Variants in GUCY1A2 observed in about 807,000 individuals in gnomAD.
GUCY1A2 encodes guanylate cyclase soluble subunit alpha-2.
A neutral mutation model predicts 63.5 loss-of-function variants in GUCY1A2; 27 were observed. The ratio of observed to expected loss-of-function variants is 0.43; its 90% confidence interval spans 0.31 to 0.59. The LOEUF is 0.59. Ranked by LOEUF, GUCY1A2 falls within the 20% of genes least tolerant of loss-of-function variation. The pLI, the probability that GUCY1A2 is intolerant of heterozygous loss-of-function variation, is 0.11. For synonymous variants in GUCY1A2, 364 were observed against 343.5 expected, an observed-to-expected ratio of 1.06 and a Z score of -0.66; for missense variants, 768 against 913.3, an observed-to-expected ratio of 0.84 and a Z score of 2.05.
intron 3 of GUCY1A2, among the ~76,000 whole-genome samples, chr11:106,955,361 A>G (rs112974658): frequency 1.1e-4 from 16 of 152,098 alleles, no homozygotes; most frequent in African/African-American, 3.6e-4. Flanking sequence ...CTATTTGGTT[A>G]TTTTGCATAA....
intron 4 of GUCY1A2, among the ~76,000 whole-genome samples, chr11:106,916,385 G>A (rs2119884833): frequency 6.9e-6 from 1 of 145,394 alleles, no homozygotes; most frequent in East Asian, 2.1e-4. Flanking sequence ...AATCCACATT[G>A]ATAAAATCAT....
At chr11:106,882,210 C>T (rs541509611) in intron 4 of GUCY1A2, among the ~76,000 whole-genome samples, 150 of 152,062 alleles carry the variant, frequency 9.9e-4, no homozygotes, top group Non-Finnish European at 1.8e-3. Flanking sequence ...TTTATAGATG[C>T]ATCACCATTA....
intron 6 of GUCY1A2, among the ~76,000 whole-genome samples, chr11:106,715,642 T>C (rs1863200745): frequency 6.6e-6 from 1 of 152,166 alleles, no homozygotes; most frequent in African/African-American, 2.4e-5. Flanking sequence ...TTCCATCCCT[T>C]CTCCATCTTA....
intron 4 of GUCY1A2, among the ~76,000 whole-genome samples, chr11:106,865,682 G>A (rs61521523): frequency 0.2 from 31,101 of 151,752 alleles, 3,189 homozygotes; most frequent in Non-Finnish European, 0.22. Context: ...GATACCATTA[G>A]GAGAAACACC....
chr11:106,757,533 G>T (rs1863995475), intron 6 of GUCY1A2, among the ~76,000 whole-genome samples: 1 of 152,064 alleles, frequency 6.6e-6, no homozygotes, highest in East Asian at 1.9e-4. Flanking sequence ...ATGGGGTTTT[G>T]GTGTGGGTGT....
In GUCY1A2 at chr11:106,685,585, G is replaced by A. The variant is rs1051470061; in HGVS notation, c.*1964C>T. ...AAGACAATAGGCATAAATGACATCA[G>A]TGAGCTTGTTCCCTCCCCATGCTCC... On this transcript the variant is annotated 3_prime_UTR_variant, in exon 8 of 8. Transcript: ENST00000526355. 2 of 227,972 alleles carry A rather than the reference G, an allele frequency of 8.8e-6. No homozygotes were observed. The highest frequency in any genetic ancestry group is 4.4e-5 in the African/African-American group (2 of 45,010). 14.1% of individuals were successfully genotyped at this position (227,972 alleles called of 1,614,324 possible).
chr11:106,816,537 C>T (rs755122319), intron 4 of GUCY1A2, among the ~76,000 whole-genome samples: 14 of 150,674 alleles, frequency 9.3e-5, no homozygotes, highest in Non-Finnish European at 1.8e-4. Flanking sequence ...AAGTGTCTAC[C>T]TCAGAAAAGA....
chr11:106,764,801 C>A (rs1487897), intron 6 of GUCY1A2, among the ~76,000 whole-genome samples: 144,893 of 152,110 alleles, frequency 0.95, 69,063 homozygotes, highest in East Asian at 0.99. Flanking sequence ...GTTTCCTATA[C>A]TGAAAAAAAG....
chr11:106,918,448 T>C (rs1860397605), intron 4 of GUCY1A2, among the ~76,000 whole-genome samples: 1 of 145,334 alleles, frequency 6.9e-6, no homozygotes, highest in African/African-American at 2.4e-5. Context: ...TCTACATATT[T>C]ACTTGTAAGG....
intron 4 of GUCY1A2, among the ~76,000 whole-genome samples, chr11:106,882,932 A>G (rs1859846039): frequency 6.6e-6 from 1 of 152,070 alleles, no homozygotes; most frequent in Non-Finnish European, 1.5e-5. Context: ...TCATCCCATC[A>G]TTCAGATTCT....
chr11:106,847,570 A>T (rs944074935), intron 4 of GUCY1A2, among the ~76,000 whole-genome samples: 16 of 151,540 alleles, frequency 1.1e-4, no homozygotes, highest in African/African-American at 3.9e-4. Flanking sequence ...AGGAGAAGGC[A>T]TTTCAGCTGA....
chr11:106,855,443 T>C (rs575143148), intron 4 of GUCY1A2, among the ~76,000 whole-genome samples: 1 of 152,022 alleles, frequency 6.6e-6, no homozygotes, highest in East Asian at 1.9e-4. Flanking sequence ...AGATACTCTA[T>C]TCAATGTGTG....
chr11:106,708,209 G>A (rs1862951641), intron 7 of GUCY1A2, among the ~76,000 whole-genome samples: 1 of 151,802 alleles, frequency 6.6e-6, no homozygotes. Context: ...CTATTATAAT[G>A]CAGATCCTTA....
intron 1 of GUCY1A2, among the ~76,000 whole-genome samples, chr11:106,992,255 G>A (rs974399265): frequency 6.6e-6 from 1 of 150,942 alleles, no homozygotes; most frequent in Non-Finnish European, 1.5e-5. Flanking sequence ...AAAATTTAGA[G>A]AGATTAGGTA....
intron 5 of GUCY1A2, among the ~76,000 whole-genome samples, chr11:106,790,179 T>C (rs1249914492): frequency 6.6e-6 from 1 of 152,174 alleles, no homozygotes; most frequent in Non-Finnish European, 1.5e-5. Flanking sequence ...TTTTCTATTC[T>C]AGTGTGGTTG....
At chr11:106,911,829 C>A (rs1403323492) in intron 4 of GUCY1A2, among the ~76,000 whole-genome samples, 1 of 151,980 alleles carries the variant, frequency 6.6e-6, no homozygotes, top group Admixed American at 6.6e-5. Context: ...TTAGAAGTTT[C>A]TAAAATAAAA....
At chr11:106,885,928 C>T (rs930893997) in intron 4 of GUCY1A2, among the ~76,000 whole-genome samples, 3 of 152,096 alleles carry the variant, frequency 2.0e-5, no homozygotes, top group Non-Finnish European at 4.4e-5. Flanking sequence ...AAAATATGCT[C>T]ACACACATAT....
intron 6 of GUCY1A2, among the ~76,000 whole-genome samples, chr11:106,717,808 C>T (rs1040443909): frequency 2.0e-5 from 3 of 152,076 alleles, no homozygotes; most frequent in African/African-American, 7.2e-5. Flanking sequence ...ATTAAATACT[C>T]CTTTAATAAA....
intron 4 of GUCY1A2, among the ~76,000 whole-genome samples, chr11:106,933,632 GAC>G (rs1860635263): frequency 6.6e-6 from 1 of 152,260 alleles, no homozygotes; most frequent in Non-Finnish European, 1.5e-5. Context: ...CTACTCAAAA[GAC>G]ACTGCACTCA....
Sources: allele counts gnomAD v4.1 joint callset (sites outside exome capture counted in the v4.1 genomes callset), GRCh38; gene constraint gnomAD v4.1.1; transcripts MANE v1.5; gene names NCBI Gene and HGNC (gene_info 2026-07-23, HGNC 2026-07-21).